LRRN1: variants seen among roughly 807,000 people sequenced by gnomAD.
LRRN1 encodes leucine-rich repeat neuronal protein 1.
A neutral mutation model predicts 45.8 loss-of-function variants in LRRN1; 14 were observed. The observed-to-expected ratio is 0.31, with a 90% confidence interval of 0.20 to 0.48. The LOEUF (loss-of-function observed/expected upper bound fraction) is 0.48, where lower values mean the gene tolerates loss of function less well. LRRN1 is among the 20% of genes least tolerant of loss of function. The pLI is 0.99. For synonymous variants in LRRN1, 359 were observed against 330.1 expected, an observed-to-expected ratio of 1.09 and a Z score of -0.95; for missense variants, 789 against 874.2, an observed-to-expected ratio of 0.90 and a Z score of 1.23.
rs548350513 is a variant in LRRN1, at chr3:3,838,221, C to G, written c.-278-6143C>G. On this transcript the variant is annotated intron_variant, in intron 1 of 1. Coordinates refer to ENST00000319331, the MANE Select transcript of LRRN1 (RefSeq NM_020873.7). Reference sequence around the variant, plus strand: ...ATATGCAGAAAATTGAAACTGGACCCCTTCCTTACACCTTATAAAAAAACT... The same window carrying G: ...ATATGCAGAAAATTGAAACTGGACCGCTTCCTTACACCTTATAAAAAAACT... Among the ~76,000 whole-genome samples, 52 of 152,130 alleles carry G rather than the reference C, an allele frequency of 3.4e-4. No homozygotes were observed. The South Asian group carries it at 0.011, about 32-fold the overall frequency.
At position 3,845,389 on chromosome 3, in the gene LRRN1, A is replaced by G; in HGVS notation, c.748A>G (p.Lys250Glu). The change falls in exon 2 of 2, where the codon AAA becomes GAA. Residue 250 changes from lysine to glutamate, a missense_variant. Lys to Glu is a moderately conservative substitution (Grantham distance 56, BLOSUM62 1). Transcript: ENST00000319331. The surrounding 1 kb of genome is among the most constrained non-coding windows in gnomAD (Gnocchi z 6.5). The part of the protein sequence containing the change: ...SLESLSFYDN[K>E]LVKVPQLALQ... ...TGAGAGCCTGTCTTTTTATGATAAC[A>G]AACTGGTTAAAGTCCCTCAACTTGC... is the stretch of plus-strand genomic sequence containing the variant. 1 of 1,614,100 alleles carries G rather than the reference A, an allele frequency of 6.2e-7. No individual in the cohort carries two copies. Among genetic ancestry groups the G allele is most frequent in the African/African-American group, 1.3e-5 (1 of 75,020 alleles).
At chr3:3,818,453 T>A (rs6792899) in intron 1 of LRRN1, among the ~76,000 whole-genome samples, 2,408 of 152,316 alleles carry the variant, frequency 0.016, 63 homozygotes, top group African/African-American at 0.055. Context: ...AATTCAATAA[T>A]GTTAAATTGC....
chr3:3,837,190 C>A (rs1693538899), intron 1 of LRRN1, among the ~76,000 whole-genome samples: 1 of 152,162 alleles, frequency 6.6e-6, no homozygotes, highest in Non-Finnish European at 1.5e-5. Context: ...AGGCAGGTGG[C>A]CCTGAGTGTG....
chr3:3,805,516 C>G (rs1421917368), intron 1 of LRRN1, among the ~76,000 whole-genome samples: 1 of 152,182 alleles, frequency 6.6e-6, no homozygotes, highest in African/African-American at 2.4e-5. Context: ...CTTCATGGCT[C>G]TATCAGAGTT....
chr3:3,803,755 C>T (rs771943576), intron 1 of LRRN1, among the ~76,000 whole-genome samples: 1 of 152,122 alleles, frequency 6.6e-6, no homozygotes, highest in East Asian at 1.9e-4. Context: ...AAAAGTTAAA[C>T]CCTATCTGTA....
chr3:3,831,410 C>T (rs1456566103), intron 1 of LRRN1, among the ~76,000 whole-genome samples: 2 of 152,226 alleles, frequency 1.3e-5, no homozygotes, highest in East Asian at 3.8e-4. Flanking sequence ...ACCAATAAGT[C>T]CATTGTGTTT....
In LRRN1 at chr3:3,816,369, C is replaced by T. The variant is rs149850531; in HGVS notation, c.-279+16450C>T. ...ATCAAGGAAAATCTACAATAAGAAACTCTTTCAAATTCAGGGATGTAACTT... is the reference window on the plus strand; with the variant it reads ...ATCAAGGAAAATCTACAATAAGAAATTCTTTCAAATTCAGGGATGTAACTT... On this transcript the variant is annotated intron_variant, in intron 1 of 1. Coordinates refer to ENST00000319331, the MANE Select transcript of LRRN1 (RefSeq NM_020873.7). This position sits in a 1 kb window ranked among gnomAD's most constrained non-coding sequence, Gnocchi z 4.0. Among the ~76,000 whole-genome samples, 56 of 152,206 alleles carry T rather than the reference C, an allele frequency of 3.7e-4. No individual in the cohort carries two copies. Among genetic ancestry groups the T allele is most frequent in the Admixed American group, 7.2e-4 (11 of 15,278 alleles).
chr3:3,819,223 G>A (rs1693052198), intron 1 of LRRN1, among the ~76,000 whole-genome samples: 1 of 152,140 alleles, frequency 6.6e-6, no homozygotes. Flanking sequence ...CTGGGCTCAA[G>A]CAAGCCTCCT....
intron 1 of LRRN1, among the ~76,000 whole-genome samples, chr3:3,830,105 G>A (rs1020523932): frequency 1.2e-4 from 19 of 152,178 alleles, no homozygotes; most frequent in African/African-American, 4.3e-4. Context: ...TTTGAGCAAC[G>A]ACAGGGGTGG....
chr3:3,826,404 C>T (rs774838753), intron 1 of LRRN1, among the ~76,000 whole-genome samples: 2 of 152,114 alleles, frequency 1.3e-5, no homozygotes, highest in Non-Finnish European at 2.9e-5. Context: ...TGTTCAAGGT[C>T]GTCCAGAAAG....
intron 1 of LRRN1, among the ~76,000 whole-genome samples, chr3:3,807,734 A>G (rs1490981380): frequency 6.6e-6 from 1 of 152,164 alleles, no homozygotes; most frequent in Non-Finnish European, 1.5e-5. Context: ...TCCAGGACAC[A>G]TGTGGAATCT....
intron 1 of LRRN1, among the ~76,000 whole-genome samples, chr3:3,818,403 TTGA>T (rs777683390): frequency 5.9e-5 from 9 of 152,234 alleles, no homozygotes; most frequent in Admixed American, 2.0e-4. Flanking sequence ...CAGTTGTTGG[TTGA>T]TGTTTTGTTC....
At chr3:3,810,361 A>G (rs922318715) in intron 1 of LRRN1, among the ~76,000 whole-genome samples, 3 of 152,244 alleles carry the variant, frequency 2.0e-5, no homozygotes, top group African/African-American at 7.2e-5. Context: ...TAAAACTCTT[A>G]GAACAATGCT....
Position 3,799,489 on chromosome 3 carries a change from C to G in LRRN1, c.-709C>G, listed in dbSNP as rs1040359546. The G allele has an allele frequency of 3.3e-5, 5 of 151,964 alleles. No homozygotes were observed. The highest frequency in any genetic ancestry group is 1.2e-4 in the African/African-American group (5 of 41,426). The allele number at this position is 151,964 out of a possible 1,614,324, so 9.4% of individuals were successfully genotyped here. ...AACGAGCCGGTGAACGAGGCGAGGC[C>G]CGTGCGCCCGCGGCTGCAAGCGCCC... is the stretch of plus-strand genomic sequence containing the variant. On this transcript the variant is annotated 5_prime_UTR_variant, in exon 1 of 2. Coordinates refer to ENST00000319331, the MANE Select transcript of LRRN1 (RefSeq NM_020873.7).
intron 1 of LRRN1, among the ~76,000 whole-genome samples, chr3:3,844,113 T>C (rs545961368): frequency 2.1e-4 from 32 of 152,306 alleles, no homozygotes; most frequent in African/African-American, 7.0e-4. Context: ...CAGTCATATA[T>C]GACTAGTGGT....
At chr3:3,836,891 AG>A (rs1291561739) in intron 1 of LRRN1, among the ~76,000 whole-genome samples, 2 of 152,240 alleles carry the variant, frequency 1.3e-5, no homozygotes, top group Non-Finnish European at 2.9e-5. Context: ...TGCTATTAAG[AG>A]GGGAAGATAG....
chr3:3,828,815 C>T (rs1453661300), intron 1 of LRRN1, among the ~76,000 whole-genome samples: 1 of 152,190 alleles, frequency 6.6e-6, no homozygotes. Context: ...CAGGCACAAA[C>T]GTGTTTTTAA....
At chr3:3,837,546 G>C (rs1221006581) in intron 1 of LRRN1, among the ~76,000 whole-genome samples, 2 of 152,032 alleles carry the variant, frequency 1.3e-5, no homozygotes, top group Non-Finnish European at 2.9e-5. Flanking sequence ...CTAAATAGGA[G>C]ATACATAAGC....
At chr3:3,800,139 CAAAAAAAA>C (rs5846290) in intron 1 of LRRN1, among the ~76,000 whole-genome samples, 1 of 103,968 alleles carries the variant, frequency 9.6e-6, no homozygotes, top group Non-Finnish European at 2.0e-5. Context: ...TCCCCCTTGC[CAAAAAAAA>C]AAAAAAAAAG....
Sources: allele counts gnomAD v4.1 joint callset (sites outside exome capture counted in the v4.1 genomes callset), GRCh38; gene constraint gnomAD v4.1.1; non-coding constraint Gnocchi (gnomAD v3.1); transcripts MANE v1.5; gene names NCBI Gene and HGNC (gene_info 2026-07-23, HGNC 2026-07-21).